CNKSR2: variants seen among roughly 807,000 people sequenced by gnomAD.
The protein encoded by CNKSR2 is CNK homolog protein 2.
In CNKSR2, 14 loss-of-function variants were observed where a neutral mutation model predicts 84.4. That is an observed-to-expected ratio of 0.17 (90% CI 0.11 to 0.26). The LOEUF is 0.26. CNKSR2 is among the 10% of genes least tolerant of loss of function. The pLI, the probability that CNKSR2 is intolerant of heterozygous loss-of-function variation, is 1.00. For synonymous variants in CNKSR2, 275 were observed against 277.9 expected (o/e 0.99, Z 0.10); for missense variants, 485 against 771.2 (o/e 0.63, Z 4.40).
At chrX:21,446,044 T>C (rs886196351) in intron 4 of CNKSR2, among the ~76,000 whole-genome samples, 1 of 111,887 alleles carries the variant, frequency 8.9e-6, no homozygotes, top group Non-Finnish European at 1.9e-5. Flanking sequence ...ACTACAAATT[T>C]ACATTCATAC....
chrX:21,583,146 A>G (rs938588019), intron 13 of CNKSR2, among the ~76,000 whole-genome samples: 3 of 111,585 alleles, frequency 2.7e-5, no homozygotes. Context: ...AAAAAAAATC[A>G]GGTCGACCTG....
At chrX:21,585,595 A>G (rs2092381872) in intron 13 of CNKSR2, among the ~76,000 whole-genome samples, 1 of 110,674 alleles carries the variant, frequency 9.0e-6, no homozygotes, top group East Asian at 2.8e-4. Context: ...AATAAGATAT[A>G]GAAGAGTAGG....
rs1168188405 is a variant in CNKSR2, at chrX:21,416,297, T to A, written c.65-10200T>A. On this transcript the variant is annotated intron_variant, in intron 1 of 21. Coordinates refer to ENST00000379510, the MANE Select transcript of CNKSR2 (RefSeq NM_014927.5). The stretch of plus-strand genomic sequence containing the variant: ...TTGCATCCCAGGGATAAATACTTGG[T>A]CATGATGAATGATCGTTTTAAAGTA... Among the ~76,000 whole-genome samples the A allele has an allele frequency of 3.6e-5, 4 of 112,131 alleles. No individual in the cohort carries two copies. The Admixed American group carries it at 3.8e-4, about 11-fold the overall frequency.
chrX:21,437,985 C>A (rs1197369231), intron 3 of CNKSR2, among the ~76,000 whole-genome samples: 1 of 111,009 alleles, frequency 9.0e-6, no homozygotes, highest in Non-Finnish European at 1.9e-5. Flanking sequence ...TCTTATGTCT[C>A]CTTTTATTTA....
intron 2 of CNKSR2, chrX:21,427,369 T>C (rs2090579683): frequency 8.9e-6 from 1 of 112,091 alleles, no homozygotes; most frequent in African/African-American, 3.2e-5. Context: ...GTAGTGGATA[T>C]ACATCAACAA....
chrX:21,501,639 T>C (rs1239068092), intron 8 of CNKSR2, 51 bp downstream of exon 8: 3 of 655,017 alleles, frequency 4.6e-6, no homozygotes, highest in African/African-American at 4.4e-5. Flanking sequence ...TTTGATTTGC[T>C]AAAGCTTTAA....
At chrX:21,467,922 G>C (rs1472691235) in intron 4 of CNKSR2, among the ~76,000 whole-genome samples, 1 of 110,938 alleles carries the variant, frequency 9.0e-6, no homozygotes, top group African/African-American at 3.3e-5. Context: ...AATTTGACTA[G>C]AGCAATGTAT....
intron 1 of CNKSR2, among the ~76,000 whole-genome samples, chrX:21,399,724 C>G (rs1370479805): frequency 9.0e-6 from 1 of 111,306 alleles, no homozygotes; most frequent in Admixed American, 9.6e-5. Flanking sequence ...TCAGGGCTGT[C>G]TACCGTGACT....
At chrX:21,500,747 T>G (rs1315594250) in intron 7 of CNKSR2, among the ~76,000 whole-genome samples, 1 of 111,290 alleles carries the variant, frequency 9.0e-6, no homozygotes, top group Non-Finnish European at 1.9e-5. Context: ...TCATCCCTTT[T>G]GGGAATAAAG....
intron 9 of CNKSR2, among the ~76,000 whole-genome samples, chrX:21,517,372 C>T (rs1490179564): frequency 9.1e-6 from 1 of 110,238 alleles, no homozygotes; most frequent in African/African-American, 3.3e-5. Flanking sequence ...GCAACAGAGA[C>T]TCCATCTCTT....
chrX:21,451,150 A>C (rs896887873), intron 4 of CNKSR2, among the ~76,000 whole-genome samples: 11 of 112,124 alleles, frequency 9.8e-5, no homozygotes, highest in African/African-American at 3.6e-4. Context: ...TAAAATATTG[A>C]TAACAGATAA....
intron 8 of CNKSR2, chrX:21,504,894 C>T: frequency 3.4e-6 from 1 of 289,886 alleles, no homozygotes; most frequent in Middle Eastern, 9.1e-4. Context: ...CAGACTGAGT[C>T]TTATTACATG....
chrX:21,389,014 C>CT, intron 1 of CNKSR2, among the ~76,000 whole-genome samples: 1 of 108,171 alleles, frequency 9.2e-6, no homozygotes, highest in Non-Finnish European at 1.9e-5. Flanking sequence ...GAGAATGGTT[C>CT]TTTATCTCTG....
intron 1 of CNKSR2, among the ~76,000 whole-genome samples, chrX:21,420,591 A>G (rs2090482073): frequency 9.0e-6 from 1 of 110,531 alleles, no homozygotes; most frequent in Non-Finnish European, 1.9e-5. Flanking sequence ...CTGCTTTTTC[A>G]GGGCCCAAGG....
At chrX:21,578,555 T>G (rs1222030049) in intron 13 of CNKSR2, among the ~76,000 whole-genome samples, 11 of 109,500 alleles carry the variant, frequency 1.0e-4, no homozygotes, top group Admixed American at 2.9e-4. Flanking sequence ...ACCTGTTTTT[T>G]TTTTTTTTTT....
chrX:21,472,492 C>T (rs1352809436), intron 5 of CNKSR2, among the ~76,000 whole-genome samples: 2 of 111,829 alleles, frequency 1.8e-5, no homozygotes, highest in African/African-American at 6.5e-5. Flanking sequence ...CCATAATTGA[C>T]AAGTGCATCT....
At chrX:21,583,328 A>G (rs2092364778) in intron 13 of CNKSR2, among the ~76,000 whole-genome samples, 1 of 111,660 alleles carries the variant, frequency 9.0e-6, no homozygotes, top group African/African-American at 3.3e-5. Context: ...TATAAATGGA[A>G]ATTTTTTGAC....
chrX:21,506,177 A>G (rs1256997142), intron 8 of CNKSR2: 3 of 111,686 alleles, frequency 2.7e-5, no homozygotes, highest in Admixed American at 9.5e-5. Flanking sequence ...TTATGTTAGC[A>G]TGGTGTTTAA....
intron 8 of CNKSR2, among the ~76,000 whole-genome samples, chrX:21,507,348 A>G (rs913338333): frequency 5.4e-5 from 6 of 111,055 alleles, no homozygotes; most frequent in African/African-American, 9.8e-5. Context: ...ATAGTGGACA[A>G]TAAAGGATTT....
Sources: allele counts gnomAD v4.1 joint callset (sites outside exome capture counted in the v4.1 genomes callset), GRCh38; gene constraint gnomAD v4.1.1; transcripts MANE v1.5; gene names NCBI Gene and HGNC (gene_info 2026-07-23, HGNC 2026-07-21).